Variants in STK17A observed in about 807,000 individuals in gnomAD.
STK17A encodes serine/threonine-protein kinase 17A.
STK17A carries 26 observed loss-of-function variants against 43.7 expected under a neutral mutation model. The ratio of observed to expected loss-of-function variants is 0.60; its 90% CI spans 0.44 to 0.83. STK17A has a LOEUF of 0.83. Among genes scored for constraint, STK17A ranks in the 40% least tolerant of loss-of-function variants. The pLI is 0.00. For missense variants in STK17A, 476 were observed against 511.6 expected, an observed-to-expected ratio of 0.93 and a Z score of 0.67; for synonymous variants, 191 against 182.5, an observed-to-expected ratio of 1.05 and a Z score of -0.38.
intron 1 of STK17A, among the ~76,000 whole-genome samples, chr7:43,595,591 A>G (rs2082509771): frequency 6.6e-6 from 1 of 152,120 alleles, no homozygotes; most frequent in African/African-American, 2.4e-5. Context: ...TGGCTTTTTT[A>G]GAGACCTAAA....
chr7:43,607,545 A>T (rs2082613447), intron 2 of STK17A, among the ~76,000 whole-genome samples: 1 of 145,814 alleles, frequency 6.9e-6, no homozygotes, highest in Non-Finnish European at 1.5e-5. Context: ...GCTACTCGGG[A>T]GGCTGAGGCA....
chr7:43,588,951 C>T (rs1316235383), intron 1 of STK17A, among the ~76,000 whole-genome samples: 1 of 151,574 alleles, frequency 6.6e-6, no homozygotes, highest in African/African-American at 2.4e-5. Context: ...AGATCAATCA[C>T]TGTCCCCTTT....
At chr7:43,620,951 A>T (rs755682135) in intron 4 of STK17A, among the ~76,000 whole-genome samples, 7 of 152,136 alleles carry the variant, frequency 4.6e-5, no homozygotes, top group Non-Finnish European at 7.4e-5. Context: ...GTGTGAAGTG[A>T]GCAAATACAG....
intron 1 of STK17A, among the ~76,000 whole-genome samples, chr7:43,586,973 A>G (rs1389308536): frequency 6.6e-6 from 1 of 151,232 alleles, no homozygotes; most frequent in African/African-American, 2.4e-5. Context: ...CCCATTTTTC[A>G]GATGAGAAAA....
chr7:43,620,990 G>A (rs2083830209), intron 4 of STK17A, among the ~76,000 whole-genome samples: 1 of 152,170 alleles, frequency 6.6e-6, no homozygotes, highest in Non-Finnish European at 1.5e-5. Context: ...AAGAGAGCAG[G>A]GTCTCCTTTC....
chr7:43,584,682 G>T (rs553069820), intron 1 of STK17A, among the ~76,000 whole-genome samples: 9 of 152,044 alleles, frequency 5.9e-5, no homozygotes, highest in Non-Finnish European at 1.0e-4. Flanking sequence ...GGGGGTGGGG[G>T]TGTAGGGAGG....
At chr7:43,615,333 G>A (rs34064273) in intron 3 of STK17A, among the ~76,000 whole-genome samples, 19,373 of 151,982 alleles carry the variant, frequency 0.13, 1,635 homozygotes, top group Non-Finnish European at 0.19. Context: ...ACACCACCAT[G>A]CCTGGCTAAT....
At chr7:43,600,041 C>G (rs1272171798) in intron 2 of STK17A, among the ~76,000 whole-genome samples, 2 of 152,198 alleles carry the variant, frequency 1.3e-5, no homozygotes, top group Non-Finnish European at 2.9e-5. Flanking sequence ...ACCTAGTCCA[C>G]TCGGACTCCC....
intron 2 of STK17A, 141 bp from the exon 3 acceptor site, chr7:43,608,115 C>G (rs1365513664): frequency 4.8e-6 from 4 of 837,840 alleles, no homozygotes; most frequent in Non-Finnish European, 7.1e-6. Flanking sequence ...GGTCCCATCT[C>G]TATTTTTCAA....
rs2084620843 is a variant in STK17A at position 43,626,964 on chromosome 7, A to G, written c.*2122A>G. 6.6e-6 allele frequency among the ~76,000 whole-genome samples: 1 copy of G among 152,216 alleles called. No homozygotes were observed. Among genetic ancestry groups the G allele is most frequent in the South Asian group, 2.1e-4 (1 of 4,836 alleles). ...TTGGTTTATAAGATAAAAACAGGGC[A>G]TGAAGAGCCTTCATAGTATTAGGCC... is the stretch of plus-strand genomic sequence containing the variant. On this transcript the variant is annotated 3_prime_UTR_variant, in exon 7 of 7. Transcript: ENST00000319357.
rs1416713384 is a variant in STK17A at position 43,626,669 on chromosome 7, A to G, written c.*1827A>G. The G allele has an allele frequency of 6.6e-6, 1 of 152,226 alleles. No homozygotes were observed. The highest frequency in any genetic ancestry group is 1.5e-5 in the Non-Finnish European group (1 of 68,042). The allele number at this position is 152,226 out of a possible 1,614,324, so 9.4% of individuals were successfully genotyped here. ...ATAGGGAGGAGGTGACCAGGAAAAA[A>G]TAACCACTATTGAATGACACGTTTG... On this transcript the variant is annotated 3_prime_UTR_variant, in exon 7 of 7. Transcript: ENST00000319357.
intron 1 of STK17A, among the ~76,000 whole-genome samples, chr7:43,584,727 CTAAA>C (rs1441478710): frequency 1.3e-5 from 2 of 152,082 alleles, no homozygotes; most frequent in African/African-American, 4.8e-5. Context: ...TTACTTATTC[CTAAA>C]TGTTAACAAA....
chr7:43,622,499 A>C (rs1405365114), intron 4 of STK17A: 3 of 151,760 alleles, frequency 2.0e-5, no homozygotes, highest in African/African-American at 7.3e-5. Context: ...CTGTGGATTC[A>C]GTACTTATTG....
rs200980304 is a variant in STK17A, at chr7:43,624,611, A to G, written c.1014A>G (p.Glu338=). The change falls in exon 7 of 7, where the codon GAA becomes GAG. Residue 338 remains glutamate (E), a synonymous_variant. Transcript: ENST00000319357. Reference sequence around the variant, plus strand: ...CTTTCAGGATGGAAAAGGCACTAGAAGAAGCAAATGCCCTCCAAGAAGGTC... The same window carrying G: ...CTTTCAGGATGGAAAAGGCACTAGAGGAAGCAAATGCCCTCCAAGAAGGTC... ...EPSFRMEKAL[E]EANALQEGHS... 4.5e-5 allele frequency: 72 copies of G among 1,614,158 alleles called. 1 individual carries two copies. The Admixed American group carries it at 1.1e-3, about 25-fold the overall frequency.
chr7:43,584,469 C>T (rs777446694), intron 1 of STK17A, among the ~76,000 whole-genome samples: 2 of 152,228 alleles, frequency 1.3e-5, no homozygotes, highest in Non-Finnish European at 2.9e-5. Context: ...GGGCTTGCCA[C>T]ATGGCGTTCA....
At chr7:43,603,223 G>GT (rs1438291165) in intron 2 of STK17A, among the ~76,000 whole-genome samples, 3 of 151,756 alleles carry the variant, frequency 2.0e-5, no homozygotes, top group African/African-American at 4.8e-5. Context: ...TGATGATCAG[G>GT]TTTTTTTTAG....
chr7:43,622,805 A>T (rs2084055146), intron 4 of STK17A: 1 of 151,208 alleles, frequency 6.6e-6, no homozygotes, highest in Non-Finnish European at 1.5e-5. Flanking sequence ...GACTCAAGTG[A>T]TCCTCCCACC....
At chr7:43,604,560 G>A (rs976820261) in intron 2 of STK17A, among the ~76,000 whole-genome samples, 1 of 152,142 alleles carries the variant, frequency 6.6e-6, no homozygotes, top group Non-Finnish European at 1.5e-5. Context: ...ACGACAAGAA[G>A]TCTGTGATCA....
rs2084410175 is a variant in STK17A at position 43,625,522 on chromosome 7, G to A, written c.*680G>A. 6.6e-6 allele frequency: 1 copy of A among 152,008 alleles called. No homozygotes were observed. Among genetic ancestry groups the A allele is most frequent in the Non-Finnish European group, 1.5e-5 (1 of 68,050 alleles). 9.4% of individuals were successfully genotyped at this position (152,008 alleles called of 1,614,324 possible). On this transcript the variant is annotated 3_prime_UTR_variant, in exon 7 of 7. Transcript: ENST00000319357. The stretch of plus-strand genomic sequence containing the variant: ...TTTTTCACCTCTGAAATTATTCTGG[G>A]TTTAGGTGTCAGCTCTTGAGCTGCT...
Sources: allele counts gnomAD v4.1 joint callset (sites outside exome capture counted in the v4.1 genomes callset), GRCh38; gene constraint gnomAD v4.1.1; transcripts MANE v1.5; gene names NCBI Gene and HGNC (gene_info 2026-07-23, HGNC 2026-07-21).